Variants in GRIK2 observed in about 807,000 individuals in gnomAD.
GRIK2 encodes glutamate ionotropic receptor kainate type subunit 2, also known as glutamate receptor ionotropic, kainate 2.
GRIK2 carries 32 observed loss-of-function variants against 100.3 expected under a neutral mutation model. The observed-to-expected ratio is 0.32, with a 90% CI of 0.24 to 0.43. GRIK2 has a LOEUF of 0.43. Among genes scored for constraint, GRIK2 ranks in the 20% least tolerant of loss-of-function variants. The probability of loss-of-function intolerance (pLI) is 1.00; values close to 1 mark genes in which losing one functional copy is unlikely to be tolerated. For missense variants in GRIK2, 843 were observed against 1,114.9 expected (o/e 0.76, Z 3.47); for synonymous variants, 417 against 389.4 (o/e 1.07, Z -0.83).
chr6:101,795,980 T>A (rs1780277832), intron 7 of GRIK2, among the ~76,000 whole-genome samples: 1 of 152,318 alleles, frequency 6.6e-6, no homozygotes, highest in South Asian at 2.1e-4. Context: ...TATGAAAAAA[T>A]TATATAGAGA....
chr6:101,784,493 T>G (rs1779302446), intron 7 of GRIK2, among the ~76,000 whole-genome samples: 1 of 152,190 alleles, frequency 6.6e-6, no homozygotes, highest in Non-Finnish European at 1.5e-5. Flanking sequence ...TTTGAGGGAC[T>G]GTGGGGAAGG....
At chr6:101,420,442 A>G (rs565574965) in intron 2 of GRIK2, among the ~76,000 whole-genome samples, 2 of 152,368 alleles carry the variant, frequency 1.3e-5, no homozygotes, top group Non-Finnish European at 1.5e-5. Flanking sequence ...TGGACCAAGA[A>G]AAATGGTCAT....
At position 101,604,216 on chromosome 6, in the gene GRIK2, A is replaced by C. The variant is rs139000622; in HGVS notation, c.116-17733A>C. Among the ~76,000 whole-genome samples the C allele has an allele frequency of 4.8e-3, 735 of 151,850 alleles. 2 individuals are homozygous for C. Among genetic ancestry groups the C allele is most frequent in the Middle Eastern group, 0.014 (4 of 294 alleles). ...CTTTGTTTCTCATTAAAACATTAATACCATTTGAAAACTCTGCTTAAATTC... is the reference window on the plus strand; with the variant it reads ...CTTTGTTTCTCATTAAAACATTAATCCCATTTGAAAACTCTGCTTAAATTC... On this transcript the variant is annotated intron_variant, in intron 2 of 16. Transcript: ENST00000369134.
At chr6:101,419,574 G>A (rs1370645366) in intron 2 of GRIK2, among the ~76,000 whole-genome samples, 1 of 152,180 alleles carries the variant, frequency 6.6e-6, no homozygotes, top group African/African-American at 2.4e-5. Context: ...GATAATAATT[G>A]TATAGTGCTT....
intron 7 of GRIK2, among the ~76,000 whole-genome samples, chr6:101,763,764 A>C (rs902746344): frequency 6.6e-6 from 1 of 152,164 alleles, no homozygotes; most frequent in African/African-American, 2.4e-5. Context: ...TAGGTGTGTG[A>C]TCTATATAGT....
intron 4 of GRIK2, among the ~76,000 whole-genome samples, chr6:101,639,241 T>C (rs192424956): frequency 6.6e-6 from 1 of 152,180 alleles, no homozygotes; most frequent in East Asian, 1.9e-4. Context: ...TTTCACCATG[T>C]TGGTCGGGTC....
At chr6:101,738,941 G>A (rs928601557) in intron 7 of GRIK2, among the ~76,000 whole-genome samples, 1 of 152,162 alleles carries the variant, frequency 6.6e-6, no homozygotes, top group African/African-American at 2.4e-5. Flanking sequence ...AGTGGCAGCA[G>A]GAGCAAGGGT....
intron 11 of GRIK2, among the ~76,000 whole-genome samples, chr6:101,864,147 A>C (rs1784910664): frequency 2.6e-5 from 4 of 151,252 alleles, no homozygotes. Context: ...CCGTCTCAAA[A>C]AAAAAAAAAA....
At position 101,997,401 on chromosome 6, in the gene GRIK2, C is replaced by G. The variant is rs574147319; in HGVS notation, c.2086-37940C>G. On this transcript the variant is annotated intron_variant, in intron 14 of 16. Transcript: ENST00000369134. The stretch of plus-strand genomic sequence containing the variant: ...TATCCTCAAAGAATATATGCTGGTA[C>G]TTTTAATATGCATCTTTGGTATTTT... Among the ~76,000 whole-genome samples, 51 of 152,098 alleles carry G rather than the reference C, an allele frequency of 3.4e-4. 1 individual carries two copies. The highest frequency in any genetic ancestry group is 1.2e-3 in the African/African-American group (48 of 41,536).
At chr6:101,928,167 G>C (rs987594574) in intron 13 of GRIK2, 2 of 466,328 alleles carry the variant, frequency 4.3e-6, no homozygotes, top group African/African-American at 3.9e-5. Context: ...TTGGAACTTT[G>C]CATCATCTCA....
chr6:101,429,528 G>T (rs1007382578), intron 2 of GRIK2, among the ~76,000 whole-genome samples: 1 of 152,072 alleles, frequency 6.6e-6, no homozygotes, highest in Non-Finnish European at 1.5e-5. Flanking sequence ...AGTACCAAGA[G>T]CCTAAAAAGA....
intron 2 of GRIK2, among the ~76,000 whole-genome samples, chr6:101,618,035 C>G (rs994326090): frequency 1.3e-5 from 2 of 151,400 alleles, no homozygotes; most frequent in African/African-American, 4.8e-5. Flanking sequence ...GTGTGTGTCT[C>G]TGATTAGGAA....
chr6:101,838,649 T>C (rs914266138), intron 10 of GRIK2, among the ~76,000 whole-genome samples: 2 of 144,102 alleles, frequency 1.4e-5, no homozygotes, highest in African/African-American at 2.8e-5. Flanking sequence ...ACTCTATTAA[T>C]ACAACTTTTT....
At chr6:101,395,857 T>C (rs1267492970) in intron 1 of GRIK2, among the ~76,000 whole-genome samples, 1 of 152,194 alleles carries the variant, frequency 6.6e-6, no homozygotes, top group Non-Finnish European at 1.5e-5. Context: ...TTGTTATCTC[T>C]GCTTTGACCT....
chr6:101,585,975 TTA>T (rs1778336842), intron 2 of GRIK2, among the ~76,000 whole-genome samples: 2 of 152,030 alleles, frequency 1.3e-5, no homozygotes, highest in South Asian at 4.1e-4. Flanking sequence ...ATTACTATTA[TTA>T]AAATATAAAA....
In GRIK2 at chr6:101,539,672, G is replaced by A. The variant is rs186961521; in HGVS notation, c.116-82277G>A. 2.0e-4 allele frequency among the ~76,000 whole-genome samples: 30 copies of A among 151,636 alleles called. No individual in the cohort carries two copies. The East Asian group carries it at 4.8e-3, about 25-fold the overall frequency. On this transcript the variant is annotated intron_variant, in intron 2 of 16. Transcript: ENST00000369134. ...TTCTTTGCTAACATGACATCTCTAA[G>A]TACATTATTTTTTGTGTTTCATACT...
chr6:101,947,357 T>C (rs574247134), intron 14 of GRIK2, among the ~76,000 whole-genome samples: 1 of 152,286 alleles, frequency 6.6e-6, no homozygotes, highest in Non-Finnish European at 1.5e-5. Context: ...ATAACAGGAA[T>C]TAAACATTTT....
chr6:101,771,997 T>C (rs954945614), intron 7 of GRIK2, among the ~76,000 whole-genome samples: 6 of 152,174 alleles, frequency 3.9e-5, no homozygotes, highest in Non-Finnish European at 1.5e-5. Context: ...TAAACATACG[T>C]GTGCATGTGT....
At chr6:101,436,712 CT>C (rs1412858895) in intron 2 of GRIK2, among the ~76,000 whole-genome samples, 4 of 151,560 alleles carry the variant, frequency 2.6e-5, no homozygotes, top group African/African-American at 9.7e-5. Context: ...GATTTAAGAT[CT>C]TTTAGTTTTC....
Sources: allele counts gnomAD v4.1 joint callset (sites outside exome capture counted in the v4.1 genomes callset), GRCh38; gene constraint gnomAD v4.1.1; transcripts MANE v1.5; gene names NCBI Gene and HGNC (gene_info 2026-07-23, HGNC 2026-07-21).